SV2B: variants seen among roughly 807,000 people sequenced by gnomAD.
The protein encoded by SV2B is synaptic vesicle glycoprotein 2B.
Under a neutral mutation model 73.9 loss-of-function variants are expected in SV2B, and 41 were observed. The ratio of observed to expected loss-of-function variants is 0.56; its 90% CI spans 0.43 to 0.72. The LOEUF is 0.72. Among genes scored for constraint, SV2B ranks in the 30% least tolerant of loss-of-function variants. The probability of loss-of-function intolerance (pLI) is 0.00; values close to 1 mark genes in which losing one functional copy is unlikely to be tolerated. For missense variants in SV2B, 764 were observed against 857.8 expected (o/e 0.89, Z 1.37); for synonymous variants, 314 against 314.2 (o/e 1.00, Z 0.01).
Position 91,300,458 on chromosome 15 carries a change from G to A in SV2B, c.*7906G>A, listed in dbSNP as rs2049406275. 6.6e-6 allele frequency: 1 copy of A among 152,208 alleles called. No individual in the cohort carries two copies. The highest frequency in any genetic ancestry group is 2.1e-4 in the South Asian group (1 of 4,832). The allele number at this position is 152,208 out of a possible 1,614,324, so 9.4% of individuals were successfully genotyped here. ...CAGCTTTCCATAGTCATTCATACTT[G>A]TGAATCTTCTTCCTCTTCTACTTCA... On this transcript the variant is annotated 3_prime_UTR_variant, in exon 13 of 13. Transcript: ENST00000394232.
intron 1 of SV2B, among the ~76,000 whole-genome samples, chr15:91,131,737 C>A (rs890306352): frequency 2.0e-5 from 3 of 151,854 alleles, no homozygotes; most frequent in Non-Finnish European, 2.9e-5. Context: ...CCGAGGCAGG[C>A]GGATCACTTG....
At position 91,301,911 on chromosome 15, in the gene SV2B, T is replaced by C. The variant is rs1289179456; in HGVS notation, c.*9359T>C. ...ACTTTTGGATTTGGATTTGGAATGC[T>C]CAACCTGTTTTCAGAGTCAGAGCCA... is the stretch of plus-strand genomic sequence containing the variant. On this transcript the variant is annotated 3_prime_UTR_variant, in exon 13 of 13. Coordinates refer to ENST00000394232, the MANE Select transcript of SV2B (RefSeq NM_001323032.3). This position sits in a 1 kb window ranked among gnomAD's most constrained non-coding sequence, Gnocchi z 4.3. Among the ~76,000 whole-genome samples the C allele has an allele frequency of 6.6e-6, 1 of 152,198 alleles. No individual in the cohort carries two copies. Among genetic ancestry groups the C allele is most frequent in the Non-Finnish European group, 1.5e-5 (1 of 68,034 alleles).
Position 91,301,000 on chromosome 15 carries a change from T to G in SV2B, c.*8448T>G, listed in dbSNP as rs2049425624. ...TTTCTTTGGAAGCCTGCCATCTTTCTGTAACGCACCTTCAACCTGAGATAA... is the reference window on the plus strand; with the variant it reads ...TTTCTTTGGAAGCCTGCCATCTTTCGGTAACGCACCTTCAACCTGAGATAA... On this transcript the variant is annotated 3_prime_UTR_variant, in exon 13 of 13. Transcript: ENST00000394232. 6.6e-6 allele frequency: 1 copy of G among 152,260 alleles called. No homozygotes were observed. The highest frequency in any genetic ancestry group is 2.4e-5 in the African/African-American group (1 of 41,456). The allele number at this position is 152,260 out of a possible 1,614,324, so 9.4% of individuals were successfully genotyped here. A position where few individuals can be genotyped will look rare whatever the true frequency, so the allele number is the denominator to read the frequency against.
chr15:91,137,596 T>TATATATTTCATATATAC lies in SV2B; in HGVS notation c.-392+37239_-392+37240insTTCATATATACATATAT, dbSNP rs2042873366. Among the ~76,000 whole-genome samples, 1 of 146,132 alleles carries TATATATTTCATATATAC rather than the reference T, an allele frequency of 6.8e-6. No homozygotes were observed. Among genetic ancestry groups the TATATATTTCATATATAC allele is most frequent in the Admixed American group, 6.9e-5 (1 of 14,506 alleles). On this transcript the variant is annotated intron_variant, in intron 1 of 12. Coordinates refer to ENST00000394232, the MANE Select transcript of SV2B (RefSeq NM_001323032.3). The surrounding 1 kb of genome is among the most constrained non-coding windows in gnomAD (Gnocchi z 4.9). ...TATATATATATATATTTCTCATATA[T>TATATATTTCATATATAC]ATATATATTTCATATATATATTTCA... is the stretch of plus-strand genomic sequence containing the variant.
At chr15:91,237,275 A>G (rs369316826) in intron 2 of SV2B, among the ~76,000 whole-genome samples, 1 of 151,960 alleles carries the variant, frequency 6.6e-6, no homozygotes, top group Non-Finnish European at 1.5e-5. Context: ...GGACAATTCC[A>G]TGTTCTGAGG....
intron 1 of SV2B, among the ~76,000 whole-genome samples, chr15:91,164,104 T>C (rs2043824656): frequency 6.6e-6 from 1 of 152,178 alleles, no homozygotes; most frequent in Non-Finnish European, 1.5e-5. Flanking sequence ...GAGGGCTCTG[T>C]TCTGTTTCAT....
intron 1 of SV2B, among the ~76,000 whole-genome samples, chr15:91,204,482 G>C (rs964071190): frequency 6.6e-6 from 1 of 151,344 alleles, no homozygotes; most frequent in Non-Finnish European, 1.5e-5. Flanking sequence ...GATAATAGTA[G>C]GTAGTTTTTT....
rs2048810006 is a variant in SV2B, at chr15:91,284,967, A to G, written c.1708+746A>G. 6.6e-6 allele frequency among the ~76,000 whole-genome samples: 1 copy of G among 152,232 alleles called. No individual in the cohort carries two copies. Among genetic ancestry groups the G allele is most frequent in the Non-Finnish European group, 1.5e-5 (1 of 68,038 alleles). On this transcript the variant is annotated intron_variant, in intron 11 of 12. Coordinates refer to ENST00000394232, the MANE Select transcript of SV2B (RefSeq NM_001323032.3). This position sits in a 1 kb window ranked among gnomAD's most constrained non-coding sequence, Gnocchi z 4.5. ...GACCAGGGGAAATGCACATTAGAAT[A>G]TGAGTCAAGGCCAGGGGTGGGGAAG...
intron 1 of SV2B, among the ~76,000 whole-genome samples, chr15:91,173,653 G>A (rs975719835): frequency 6.6e-6 from 1 of 152,192 alleles, no homozygotes; most frequent in Non-Finnish European, 1.5e-5. Context: ...CTAAGTGGTT[G>A]CCCAGTTCCA....
Position 91,258,361 on chromosome 15 carries a change from C to T in SV2B, c.785-60C>T, listed in dbSNP as rs2047776437. Reference sequence around the variant, plus strand: ...TTTGTGAGCCAGGGCTTCAGAGTCACTCTTCCGTAGAGGAAAAGATCATGT... The same window carrying T: ...TTTGTGAGCCAGGGCTTCAGAGTCATTCTTCCGTAGAGGAAAAGATCATGT... On this transcript the variant is annotated intron_variant, in intron 4 of 12. Transcript: ENST00000394232. The surrounding 1 kb of genome is among the most constrained non-coding windows in gnomAD (Gnocchi z 4.7). 3.1e-6 allele frequency: 5 copies of T among 1,595,798 alleles called. No individual in the cohort carries two copies. Among genetic ancestry groups the T allele is most frequent in the African/African-American group, 2.7e-5 (2 of 74,692 alleles).
chr15:91,115,668 C>T lies in SV2B; in HGVS notation c.-392+15305C>T, dbSNP rs112589328. On this transcript the variant is annotated intron_variant, in intron 1 of 12. Transcript: ENST00000394232. The surrounding 1 kb of genome is among the most constrained non-coding windows in gnomAD (Gnocchi z 4.3). ...CTGGGATTACAGGTGTGAGCCACTG[C>T]GCCTGGCCTTCCTTATTTTTTTCTA... Among the ~76,000 whole-genome samples the T allele has an allele frequency of 0.017, 2,575 of 152,160 alleles. 67 individuals are homozygous for T. The highest frequency in any genetic ancestry group is 0.053 in the South Asian group (256 of 4,812).
At chr15:91,158,995 G>C (rs1008348114) in intron 1 of SV2B, among the ~76,000 whole-genome samples, 1 of 152,000 alleles carries the variant, frequency 6.6e-6, no homozygotes, top group South Asian at 2.1e-4. Context: ...ATGAAATGAG[G>C]CTGCTTAAAG....
chr15:91,157,454 T>G (rs1038126484), intron 1 of SV2B, among the ~76,000 whole-genome samples: 22 of 152,198 alleles, frequency 1.4e-4, no homozygotes, highest in African/African-American at 4.8e-4. Flanking sequence ...TTCCTGGCTG[T>G]AGGATAATTT....
chr15:91,184,033 C>T (rs535439208), intron 1 of SV2B, among the ~76,000 whole-genome samples: 2 of 152,252 alleles, frequency 1.3e-5, no homozygotes, highest in East Asian at 3.9e-4. Context: ...ACTGTATCCA[C>T]CTTCATCTTC....
At chr15:91,221,908 G>A (rs775880432) in intron 1 of SV2B, among the ~76,000 whole-genome samples, 1 of 151,978 alleles carries the variant, frequency 6.6e-6, no homozygotes, top group African/African-American at 2.4e-5. Context: ...CCCTGAGCAG[G>A]GTATTCAGAC....
chr15:91,256,395 C>T (rs1414830650), intron 4 of SV2B, among the ~76,000 whole-genome samples: 1 of 152,130 alleles, frequency 6.6e-6, no homozygotes, highest in East Asian at 1.9e-4. Context: ...TGCATATTAT[C>T]ATAAAGAAAA....
At chr15:91,251,694 A>C in intron 2 of SV2B, 125 bp from the exon 3 acceptor site, 1 of 1,150,232 alleles carries the variant, frequency 8.7e-7, no homozygotes, top group African/African-American at 1.6e-5. Context: ...ACATTCCACC[A>C]TTTTGTGTCT....
intron 1 of SV2B, among the ~76,000 whole-genome samples, chr15:91,205,015 C>T (rs527629746): frequency 6.6e-6 from 1 of 152,180 alleles, no homozygotes; most frequent in Non-Finnish European, 1.5e-5. Context: ...GAAGCCTGAG[C>T]TGCTGTTTTT....
At position 91,130,747 on chromosome 15, in the gene SV2B, T is replaced by G. The variant is rs1596453475; in HGVS notation, c.-392+30384T>G. Among the ~76,000 whole-genome samples, 1 of 152,070 alleles carries G rather than the reference T, an allele frequency of 6.6e-6. No individual in the cohort carries two copies. Among genetic ancestry groups the G allele is most frequent in the Non-Finnish European group, 1.5e-5 (1 of 68,000 alleles). On this transcript the variant is annotated intron_variant, in intron 1 of 12. Transcript: ENST00000394232. The surrounding 1 kb of genome is among the most constrained non-coding windows in gnomAD (Gnocchi z 5.6). The stretch of plus-strand genomic sequence containing the variant: ...GGGCAAAGAGGGGAGTGTGTGGCGG[T>G]GCACGGTTCAGTGAGTCCTTCAAGA...
Sources: gnomAD v4.1 joint callset for allele counts (sites outside exome capture counted in the v4.1 genomes callset) on GRCh38, gnomAD v4.1.1 for gene constraint, Gnocchi (gnomAD v3.1) non-coding constraint, MANE v1.5 for transcripts, NCBI Gene and HGNC (gene_info 2026-07-23, HGNC 2026-07-21) for gene names.